The following CDKAL1 variants were observed in gnomAD, a reference collection of about 807,000 sequenced individuals.
CDKAL1 encodes CDKAL1 threonylcarbamoyladenosine tRNA methylthiotransferase, also known as threonylcarbamoyladenosine tRNA methylthiotransferase.
Under a neutral mutation model 68.2 loss-of-function variants are expected in CDKAL1, and 32 were observed. The observed-to-expected ratio is 0.47, with a 90% CI of 0.35 to 0.63. The LOEUF is 0.63. Among genes scored for constraint, CDKAL1 ranks in the 30% least tolerant of loss-of-function variants. The pLI, the probability that CDKAL1 is intolerant of heterozygous loss-of-function variation, is 0.00. For missense variants in CDKAL1, 606 were observed against 696.7 expected, an observed-to-expected ratio of 0.87 and a Z score of 1.47; for synonymous variants, 234 against 244.3, an observed-to-expected ratio of 0.96 and a Z score of 0.39.
chr6:20,605,717 T>C (rs1766305046), intron 4 of CDKAL1, among the ~76,000 whole-genome samples: 1 of 152,186 alleles, frequency 6.6e-6, no homozygotes, highest in Non-Finnish European at 1.5e-5. Flanking sequence ...AAGATCCTTC[T>C]GTGTGCTTTA....
At chr6:20,711,496 A>G (rs1771844229) in intron 5 of CDKAL1, among the ~76,000 whole-genome samples, 1 of 152,210 alleles carries the variant, frequency 6.6e-6, no homozygotes, top group African/African-American at 2.4e-5. Flanking sequence ...TGGCGGAATG[A>G]TAATATGGAT....
At chr6:20,675,759 AT>A (rs1310167537) in intron 5 of CDKAL1, among the ~76,000 whole-genome samples, 1 of 152,034 alleles carries the variant, frequency 6.6e-6, no homozygotes, top group Non-Finnish European at 1.5e-5. Flanking sequence ...CTAAACTTTT[AT>A]TATTATTTTA....
At chr6:20,782,452 G>A (rs185112779) in intron 8 of CDKAL1, among the ~76,000 whole-genome samples, 8 of 152,238 alleles carry the variant, frequency 5.3e-5, no homozygotes, top group East Asian at 1.9e-4. Context: ...AGCCTGAGCC[G>A]AATTATAAAT....
intron 4 of CDKAL1, among the ~76,000 whole-genome samples, chr6:20,593,194 A>AG (rs1348010445): frequency 1.3e-5 from 2 of 152,188 alleles, no homozygotes; most frequent in African/African-American, 4.8e-5. Context: ...AAAATGAGTT[A>AG]GGGAGGAGTC....
At chr6:20,762,224 C>T (rs950083961) in intron 7 of CDKAL1, among the ~76,000 whole-genome samples, 31 of 152,156 alleles carry the variant, frequency 2.0e-4, no homozygotes, top group African/African-American at 7.0e-4. Flanking sequence ...TAGCTCCTTA[C>T]TGATGAGCGT....
At chr6:20,935,487 G>A (rs1763660968) in intron 9 of CDKAL1, among the ~76,000 whole-genome samples, 1 of 150,786 alleles carries the variant, frequency 6.6e-6, no homozygotes, top group Admixed American at 6.6e-5. Flanking sequence ...AGAGTGCTGT[G>A]GTGCAGTCTT....
intron 11 of CDKAL1, among the ~76,000 whole-genome samples, chr6:21,005,847 A>G (rs1016507898): frequency 7.9e-5 from 12 of 152,198 alleles, no homozygotes; most frequent in Non-Finnish European, 1.8e-4. Flanking sequence ...CTAATAAGCA[A>G]TGAGCACTCA....
chr6:20,882,841 T>C (rs771785788), intron 9 of CDKAL1, among the ~76,000 whole-genome samples: 2 of 152,362 alleles, frequency 1.3e-5, no homozygotes, highest in Non-Finnish European at 2.9e-5. Context: ...CTTATTGTGA[T>C]ATGTTCTTTT....
intron 13 of CDKAL1, among the ~76,000 whole-genome samples, chr6:21,136,740 C>T (rs1184761268): frequency 3.3e-5 from 5 of 151,992 alleles, no homozygotes; most frequent in Non-Finnish European, 7.4e-5. Context: ...CCCAAGAACA[C>T]GATGGTCCCA....
chr6:20,817,047 AT>A (rs1777076665), intron 8 of CDKAL1, among the ~76,000 whole-genome samples: 1 of 152,084 alleles, frequency 6.6e-6, no homozygotes, highest in South Asian at 2.1e-4. Context: ...TGCATATGCT[AT>A]TTTTCTTTAA....
At chr6:20,603,190 C>T (rs916052267) in intron 4 of CDKAL1, among the ~76,000 whole-genome samples, 1 of 152,186 alleles carries the variant, frequency 6.6e-6, no homozygotes, top group African/African-American at 2.4e-5. Flanking sequence ...TGTGCCCTCT[C>T]TGCTGATAAT....
At chr6:21,109,033 C>T (rs977976174) in intron 13 of CDKAL1, among the ~76,000 whole-genome samples, 10 of 152,172 alleles carry the variant, frequency 6.6e-5, no homozygotes, top group African/African-American at 2.4e-4. Flanking sequence ...CTACCTTCTC[C>T]ATCCCTCATG....
chr6:20,826,000 C>G (rs1581653526), intron 8 of CDKAL1, among the ~76,000 whole-genome samples: 1 of 152,184 alleles, frequency 6.6e-6, no homozygotes, highest in South Asian at 2.1e-4. Flanking sequence ...ACAAATATGA[C>G]CTGAATTTGG....
At chr6:20,619,707 T>G (rs1767089843) in intron 4 of CDKAL1, among the ~76,000 whole-genome samples, 1 of 152,222 alleles carries the variant, frequency 6.6e-6, no homozygotes, top group Admixed American at 6.5e-5. Context: ...GTCTATGCCT[T>G]GCTACAACCT....
chr6:20,671,871 T>C (rs1253329072), intron 5 of CDKAL1, among the ~76,000 whole-genome samples: 1 of 152,154 alleles, frequency 6.6e-6, no homozygotes, highest in African/African-American at 2.4e-5. Context: ...CCCTAGTAGC[T>C]GGGACTCTAG....
intron 8 of CDKAL1, among the ~76,000 whole-genome samples, chr6:20,786,884 G>T (rs572135167): frequency 0.013 from 2,021 of 152,224 alleles, 50 homozygotes; most frequent in African/African-American, 0.045. Context: ...ATTGGAAATT[G>T]TGGCATAAAG....
chr6:20,625,220 C>A (rs11756987), intron 4 of CDKAL1, among the ~76,000 whole-genome samples: 3,978 of 152,214 alleles, frequency 0.026, 76 homozygotes, highest in South Asian at 0.04. Context: ...TCTATTCTTA[C>A]ATATTCTATT....
chr6:20,553,508 C>CA (rs1430298802), intron 4 of CDKAL1, among the ~76,000 whole-genome samples: 2 of 151,932 alleles, frequency 1.3e-5, no homozygotes, highest in African/African-American at 4.8e-5. Flanking sequence ...GACACTGTCT[C>CA]AAAAAAACAA....
chr6:20,641,341 C>G (rs770849694), intron 4 of CDKAL1, among the ~76,000 whole-genome samples: 1 of 151,938 alleles, frequency 6.6e-6, no homozygotes, highest in South Asian at 2.1e-4. Context: ...TCAAACAGTA[C>G]AGATAGATAT....
Sources: gnomAD v4.1 joint callset for allele counts (sites outside exome capture counted in the v4.1 genomes callset) on GRCh38, gnomAD v4.1.1 for gene constraint, MANE v1.5 for transcripts, NCBI Gene and HGNC (gene_info 2026-07-23, HGNC 2026-07-21) for gene names.